The following INVS variants were observed in gnomAD, a reference collection of about 807,000 sequenced individuals.
The protein encoded by INVS is inversin.
In INVS, 86 loss-of-function variants were observed where a neutral mutation model predicts 108.8. That is an observed-to-expected ratio of 0.79 (90% CI 0.66 to 0.95). The LOEUF (loss-of-function observed/expected upper bound fraction) is 0.95. Among genes scored for constraint, INVS ranks in the 40% least tolerant of loss-of-function variants. INVS has a pLI of 0.00. For synonymous variants in INVS, 455 were observed against 473.5 expected (o/e 0.96, Z 0.51); for missense variants, 1,169 against 1,297.4 (o/e 0.90, Z 1.52).
At chr9:100,150,024 C>T (rs1428425231) in intron 3 of INVS, among the ~76,000 whole-genome samples, 1 of 152,138 alleles carries the variant, frequency 6.6e-6, no homozygotes, top group East Asian at 1.9e-4. Context: ...CTTTCTCAGA[C>T]TTCTTGTTCT....
chr9:100,241,253 GCTTA>G (rs1248773312), intron 6 of INVS, among the ~76,000 whole-genome samples: 1 of 151,564 alleles, frequency 6.6e-6, no homozygotes, highest in African/African-American at 2.4e-5. Flanking sequence ...TGGATTCTGG[GCTTA>G]CTTGGCAAAT....
At chr9:100,171,609 A>G (rs1243849833) in intron 3 of INVS, among the ~76,000 whole-genome samples, 1 of 152,206 alleles carries the variant, frequency 6.6e-6, no homozygotes, top group African/African-American at 2.4e-5. Flanking sequence ...GACAATAAAT[A>G]AATTTGAATA....
intron 3 of INVS, among the ~76,000 whole-genome samples, chr9:100,223,505 A>G (rs1831213684): frequency 6.6e-6 from 1 of 152,228 alleles, no homozygotes; most frequent in Non-Finnish European, 1.5e-5. Context: ...ATTCTGTGCC[A>G]GGAACTATGC....
Position 100,175,215 on chromosome 9 carries a change from G to A in INVS, c.273+48666G>A, listed in dbSNP as rs895578194. On this transcript the variant is annotated intron_variant, in intron 3 of 16. Transcript: ENST00000262457. ...CCAGCTTGTCCCCAAAACCTGCCTTGCTCTGAAGCATCCAACTGTAAAGAC... is the reference window on the plus strand; with the variant it reads ...CCAGCTTGTCCCCAAAACCTGCCTTACTCTGAAGCATCCAACTGTAAAGAC... 22 of 564,732 alleles carry A rather than the reference G, an allele frequency of 3.9e-5. No homozygotes were observed. The African/African-American group carries it at 4.0e-4, about 10-fold the overall frequency. 35.0% of individuals were successfully genotyped at this position (564,732 alleles called of 1,614,324 possible).
At position 100,272,924 on chromosome 9, in the gene INVS, G is replaced by A. The variant is rs970552805; in HGVS notation, c.1632G>A (p.Leu544=). 6 of 1,614,054 alleles carry A rather than the reference G, an allele frequency of 3.7e-6. No homozygotes were observed. The highest frequency in any genetic ancestry group is 1.6e-4 in the Middle Eastern group (1 of 6,062). ...GERHEVIQFM[L]EHGALSIAAI... ...GCCATGAAGTGATCCAGTTCATGTT[G>A]GAGCACGGTGCCCTGTCCATCGCAG... The change falls in exon 12 of 17, where the codon TTG becomes TTA. Residue 544 remains leucine (L), a synonymous_variant. Coordinates refer to ENST00000262457, the MANE Select transcript of INVS (RefSeq NM_014425.5).
intron 3 of INVS, among the ~76,000 whole-genome samples, chr9:100,129,335 T>TAC (rs1827983838): frequency 6.6e-6 from 1 of 150,802 alleles, no homozygotes; most frequent in Non-Finnish European, 1.5e-5. Flanking sequence ...CACACACACA[T>TAC]ACACACACAC....
In INVS at chr9:100,164,928, A is replaced by G. The variant is rs530189780; in HGVS notation, c.273+38379A>G. Among the ~76,000 whole-genome samples the G allele has an allele frequency of 1.1e-4, 11 of 100,460 alleles. No homozygotes were observed. In the South Asian group the frequency reaches 3.1e-3, roughly 29 times the overall value. 65.9% of individuals were successfully genotyped at this position (100,460 alleles called of 152,430 possible). Reference sequence around the variant, plus strand: ...TTTTTTTTTTTACAACTTTTTGGCTATTGTGGCTTAACCCCTGCCCTAACT... The same window carrying G: ...TTTTTTTTTTTACAACTTTTTGGCTGTTGTGGCTTAACCCCTGCCCTAACT... On this transcript the variant is annotated intron_variant, in intron 3 of 16. Transcript: ENST00000262457.
intron 3 of INVS, among the ~76,000 whole-genome samples, chr9:100,197,045 T>TGGTATCAGATACCACAGATTGAAGTCTC (rs1830398380): frequency 6.6e-6 from 1 of 152,144 alleles, no homozygotes; most frequent in Admixed American, 6.5e-5. Flanking sequence ...TACCCAGAGA[T>TGGTATCAGATACCACAGATTGAAGTCTC]GGTATCAGAT....
At chr9:100,246,296 A>G (rs1832045458) in intron 7 of INVS, among the ~76,000 whole-genome samples, 1 of 152,226 alleles carries the variant, frequency 6.6e-6, no homozygotes, top group South Asian at 2.1e-4. Flanking sequence ...GAGTTTTCTA[A>G]CTCTCACTCA....
At chr9:100,183,112 T>G (rs575511075) in intron 3 of INVS, among the ~76,000 whole-genome samples, 26 of 152,118 alleles carry the variant, frequency 1.7e-4, no homozygotes, top group African/African-American at 6.3e-4. Context: ...CATCACATAC[T>G]GGGGCCTGCC....
intron 2 of INVS, among the ~76,000 whole-genome samples, chr9:100,104,836 A>G (rs1827120756): frequency 6.6e-6 from 1 of 152,212 alleles, no homozygotes; most frequent in African/African-American, 2.4e-5. Context: ...TACTTGAGAA[A>G]TTTCTATGTA....
At chr9:100,172,947 A>G (rs1829588686) in intron 3 of INVS, among the ~76,000 whole-genome samples, 1 of 152,080 alleles carries the variant, frequency 6.6e-6, no homozygotes, top group Non-Finnish European at 1.5e-5. Context: ...ACCAAGTCCC[A>G]GGTTATAATA....
In INVS at chr9:100,142,163, G is replaced by A. The variant is rs910447590; in HGVS notation, c.273+15614G>A. 2.1e-4 allele frequency among the ~76,000 whole-genome samples: 32 copies of A among 152,256 alleles called. 1 individual carries two copies. Among genetic ancestry groups the A allele is most frequent in the Middle Eastern group, 3.4e-3 (1 of 292 alleles). On this transcript the variant is annotated intron_variant, in intron 3 of 16. Coordinates refer to ENST00000262457, the MANE Select transcript of INVS (RefSeq NM_014425.5). ...TGGAAGTTAAGCGGCGTTGAGAAGC[G>A]TTTTTATTAAAGAGGGATTAATGAT...
intron 3 of INVS, among the ~76,000 whole-genome samples, chr9:100,204,519 A>G (rs1830621602): frequency 6.6e-6 from 1 of 152,156 alleles, no homozygotes; most frequent in South Asian, 2.1e-4. Context: ...AAACAGTTCA[A>G]GTATGTGCAA....
chr9:100,300,530 A>C, intron 16 of INVS, 38 bp from the exon 17 acceptor site: 1 of 1,349,584 alleles, frequency 7.4e-7, no homozygotes, highest in Non-Finnish European at 1.1e-6. Flanking sequence ...CCTTAAAATT[A>C]ATAACCTTAA....
chr9:100,254,551 T>G (rs1273704353), intron 10 of INVS, among the ~76,000 whole-genome samples: 3 of 151,986 alleles, frequency 2.0e-5, no homozygotes, highest in Non-Finnish European at 4.4e-5. Flanking sequence ...TGGTTTTAGG[T>G]CTAACATTTA....
intron 3 of INVS, among the ~76,000 whole-genome samples, chr9:100,211,999 G>A (rs1479730795): frequency 6.6e-6 from 1 of 152,180 alleles, no homozygotes; most frequent in Admixed American, 6.5e-5. Context: ...ACAATCAGAA[G>A]TTTAAGTAAA....
intron 10 of INVS, among the ~76,000 whole-genome samples, chr9:100,259,355 G>A (rs997505098): frequency 1.3e-5 from 2 of 152,058 alleles, no homozygotes; most frequent in African/African-American, 2.4e-5. Flanking sequence ...GGAATTCCCC[G>A]ACCCCTTGCA....
At chr9:100,175,245 T>G in intron 3 of INVS, 1 of 618,896 alleles carries the variant, frequency 1.6e-6, no homozygotes, top group Admixed American at 2.2e-5. Context: ...AAAGACTCTT[T>G]GCCAATGTCT....
Sources: allele counts gnomAD v4.1 joint callset (sites outside exome capture counted in the v4.1 genomes callset), GRCh38; gene constraint gnomAD v4.1.1; transcripts MANE v1.5; gene names NCBI Gene and HGNC (gene_info 2026-07-23, HGNC 2026-07-21).